The following PRIMA1 variants were observed in gnomAD, a reference collection of about 807,000 sequenced individuals.
PRIMA1 encodes proline rich membrane anchor 1, also known as proline-rich membrane anchor 1.
PRIMA1 carries 7 observed loss-of-function variants against 17.5 expected under a neutral mutation model. The observed-to-expected ratio is 0.40, with a 90% CI of 0.23 to 0.75. The LOEUF is 0.75. Ranked by LOEUF, PRIMA1 falls within the 30% of genes least tolerant of loss-of-function variation. The probability of loss-of-function intolerance (pLI) is 0.37; values close to 1 mark genes in which losing one functional copy is unlikely to be tolerated. For missense variants in PRIMA1, 200 were observed against 201.8 expected, an observed-to-expected ratio of 0.99 and a Z score of 0.05; for synonymous variants, 97 against 77.9, an observed-to-expected ratio of 1.25 and a Z score of -1.29.
At position 93,787,605 on chromosome 14, in the gene PRIMA1, T is replaced by C. The variant is rs1885560465; in HGVS notation, c.93+21A>G. ...TTACCCAGGAGGCCCTCCCAGCCAG[T>C]GCGCAGCCGGCGCGTCTCACCTGCA... On this transcript the variant is annotated intron_variant, in intron 2 of 4. Coordinates refer to ENST00000393140, the MANE Select transcript of PRIMA1 (RefSeq NM_178013.4). 8 of 1,539,246 alleles carry C rather than the reference T, an allele frequency of 5.2e-6. No homozygotes were observed. In the East Asian group the frequency reaches 7.3e-5, roughly 14 times the overall value.
At chr14:93,774,079 G>C (rs1428517387) in intron 3 of PRIMA1, among the ~76,000 whole-genome samples, 2 of 152,016 alleles carry the variant, frequency 1.3e-5, no homozygotes, top group Admixed American at 6.6e-5. Context: ...GCGACAAAGA[G>C]AGACTCCGTC....
chr14:93,782,845 A>C (rs138405528), intron 2 of PRIMA1, among the ~76,000 whole-genome samples: 328 of 152,302 alleles, frequency 2.2e-3, no homozygotes, highest in African/African-American at 7.0e-3. Context: ...CTCAGACCCC[A>C]TATCCACTTG....
intron 2 of PRIMA1, among the ~76,000 whole-genome samples, chr14:93,781,873 G>A (rs1224939063): frequency 6.6e-6 from 1 of 152,182 alleles, no homozygotes; most frequent in Non-Finnish European, 1.5e-5. Flanking sequence ...TACTCAGGAT[G>A]CTGAGGCAGA....
At chr14:93,767,266 C>G (rs1285271367) in intron 3 of PRIMA1, among the ~76,000 whole-genome samples, 1 of 152,208 alleles carries the variant, frequency 6.6e-6, no homozygotes, top group Non-Finnish European at 1.5e-5. Context: ...ATATTCAAAA[C>G]AACCCTACTG....
intron 2 of PRIMA1, among the ~76,000 whole-genome samples, chr14:93,786,026 T>C (rs1429045668): frequency 1.3e-5 from 2 of 152,178 alleles, no homozygotes; most frequent in Non-Finnish European, 2.9e-5. Flanking sequence ...GGGTCTTCTG[T>C]TTAGATCCTA....
At chr14:93,737,870 C>G (rs1438515343) in intron 3 of PRIMA1, among the ~76,000 whole-genome samples, 3 of 151,770 alleles carry the variant, frequency 2.0e-5, no homozygotes, top group Admixed American at 6.6e-5. Flanking sequence ...ACAGCAGGGT[C>G]AGGTCTAATT....
chr14:93,761,082 A>G lies in PRIMA1; in HGVS notation c.229+18094T>C, dbSNP rs1312580121. ...CACCTCTGGCTGGGCGCAGTGGCTC[A>G]AGCCTATAATCCCAGAACTTTGGGA... On this transcript the variant is annotated intron_variant, in intron 3 of 4. Coordinates refer to ENST00000393140, the MANE Select transcript of PRIMA1 (RefSeq NM_178013.4). Among the ~76,000 whole-genome samples the G allele has an allele frequency of 4.6e-5, 7 of 151,924 alleles. No homozygotes were observed. In the East Asian group the frequency reaches 1.4e-3, roughly 30 times the overall value.
intron 2 of PRIMA1, among the ~76,000 whole-genome samples, chr14:93,784,376 C>T (rs749264563): frequency 6.6e-6 from 1 of 152,094 alleles, no homozygotes; most frequent in Non-Finnish European, 1.5e-5. Flanking sequence ...CTGTGTTGTC[C>T]AGGCTGGTGT....
intron 3 of PRIMA1, among the ~76,000 whole-genome samples, chr14:93,743,264 T>A (rs1273549638): frequency 6.6e-6 from 1 of 152,160 alleles, no homozygotes; most frequent in Non-Finnish European, 1.5e-5. Context: ...GGTGACACCA[T>A]GGGCATGCTG....
chr14:93,754,493 C>T (rs975899364), intron 3 of PRIMA1, among the ~76,000 whole-genome samples: 2 of 152,184 alleles, frequency 1.3e-5, no homozygotes, highest in Admixed American at 6.5e-5. Flanking sequence ...CTCTATCCAT[C>T]CCTCCCTAGG....
intron 3 of PRIMA1, among the ~76,000 whole-genome samples, chr14:93,744,279 GT>G (rs2141166366): frequency 6.6e-6 from 1 of 152,356 alleles, no homozygotes; most frequent in African/African-American, 2.4e-5. Context: ...GGAAGGAGTG[GT>G]GTGGGGGTGG....
intron 3 of PRIMA1, among the ~76,000 whole-genome samples, chr14:93,757,372 G>T (rs1348707334): frequency 6.6e-6 from 1 of 152,232 alleles, no homozygotes. Context: ...AGGGATGAGC[G>T]GCTCTATGGA....
intron 3 of PRIMA1, among the ~76,000 whole-genome samples, chr14:93,778,413 A>T (rs1280408425): frequency 3.3e-5 from 5 of 152,266 alleles, no homozygotes; most frequent in Non-Finnish European, 7.3e-5. Flanking sequence ...AGCCTACCAG[A>T]GAACAAGCTT....
chr14:93,743,121 G>T (rs909613623), intron 3 of PRIMA1, among the ~76,000 whole-genome samples: 4 of 152,226 alleles, frequency 2.6e-5, no homozygotes, highest in Non-Finnish European at 5.9e-5. Context: ...CCATGTTCTT[G>T]GTTTTAAAAT....
intron 3 of PRIMA1, among the ~76,000 whole-genome samples, chr14:93,778,565 C>A (rs142214619): frequency 2.0e-5 from 3 of 152,184 alleles, no homozygotes; most frequent in South Asian, 2.1e-4. Flanking sequence ...TTGGAGAGAC[C>A]TTATCAAGTA....
intron 3 of PRIMA1, among the ~76,000 whole-genome samples, chr14:93,758,607 AAAAAAGAAAAAG>A (rs1243872431): frequency 1.3e-5 from 2 of 150,358 alleles, no homozygotes. Flanking sequence ...AAAAAAAAAA[AAAAAAGAAAAAG>A]AAAAAGAAAA....
At chr14:93,727,413 A>G (rs893685963) in intron 4 of PRIMA1, among the ~76,000 whole-genome samples, 3 of 152,186 alleles carry the variant, frequency 2.0e-5, no homozygotes, top group African/African-American at 7.2e-5. Context: ...GCTCATGCAC[A>G]GAGCCCTGGA....
In PRIMA1 at chr14:93,736,190, C is replaced by T. The variant is rs145210788; in HGVS notation, c.359+1051G>A. On this transcript the variant is annotated intron_variant, in intron 4 of 4. Transcript: ENST00000393140. ...CTTAGCCCAACACTGGAGTCGAACT[C>T]GTCAATAACCCTGAAACACGGTGTG... Among the ~76,000 whole-genome samples, 836 of 152,286 alleles carry T rather than the reference C, an allele frequency of 5.5e-3. 12 individuals are homozygous for T. Among genetic ancestry groups the T allele is most frequent in the African/African-American group, 0.019 (806 of 41,554 alleles).
At chr14:93,723,690 T>A (rs2076057411) in intron 4 of PRIMA1, among the ~76,000 whole-genome samples, 2 of 152,114 alleles carry the variant, frequency 1.3e-5, no homozygotes, top group South Asian at 2.1e-4. Flanking sequence ...CAAAGCACTC[T>A]CCGTCACAGA....
Sources: allele counts gnomAD v4.1 joint callset (sites outside exome capture counted in the v4.1 genomes callset), GRCh38; gene constraint gnomAD v4.1.1; transcripts MANE v1.5; gene names NCBI Gene and HGNC (gene_info 2026-07-23, HGNC 2026-07-21).